C10orf67: variants seen among roughly 807,000 people sequenced by gnomAD.
The protein encoded by C10orf67 is chromosome 10 open reading frame 67.
A neutral mutation model predicts 35.6 loss-of-function variants in C10orf67; 60 were observed. The observed-to-expected ratio is 1.68, with a 90% CI of 1.37 to 2.09. The LOEUF (loss-of-function observed/expected upper bound fraction) is 2.09, where lower values mean the gene tolerates loss of function less well. Among genes scored for constraint, C10orf67 ranks in the 30% most tolerant of loss-of-function variants. The probability of loss-of-function intolerance (pLI) is 0.00; values close to 1 mark genes in which losing one functional copy is unlikely to be tolerated. For missense variants in C10orf67, 474 were observed against 330.2 expected (o/e 1.44, Z -3.38); for synonymous variants, 167 against 115.8 (o/e 1.44, Z -2.84).
chr10:23,259,018 C>G (rs898416848), intron 10 of C10orf67, among the ~76,000 whole-genome samples: 1 of 152,180 alleles, frequency 6.6e-6, no homozygotes, highest in Non-Finnish European at 1.5e-5. Context: ...ACACTTATTT[C>G]TACCTTCATG....
intron 5 of C10orf67, among the ~76,000 whole-genome samples, chr10:23,295,854 G>C (rs775121711): frequency 3.3e-5 from 5 of 152,110 alleles, no homozygotes; most frequent in Non-Finnish European, 7.3e-5. Flanking sequence ...AATTTTATTA[G>C]ATCTATGCTA....
chr10:23,289,222 G>A (rs1843640151), intron 7 of C10orf67, among the ~76,000 whole-genome samples: 1 of 152,092 alleles, frequency 6.6e-6, no homozygotes, highest in Admixed American at 6.6e-5. Context: ...GAAGTGCAGT[G>A]GTGCAATTCT....
At chr10:23,226,975 G>T (rs1285281740) in intron 13 of C10orf67, among the ~76,000 whole-genome samples, 1 of 152,100 alleles carries the variant, frequency 6.6e-6, no homozygotes, top group Non-Finnish European at 1.5e-5. Flanking sequence ...AAAAGTCCAG[G>T]ACCAGACGGA....
Position 23,327,831 on chromosome 10 carries a change from GA to G in C10orf67, c.327+5230del, listed in dbSNP as rs546340938. On this transcript the variant is annotated intron_variant, in intron 2 of 15. Transcript: ENST00000636213. ...CAGGGCAAGACTCCATCTCGGGGGA[GA>G]AAAAAAAAAAATTCCTGCATCTATG... is the stretch of plus-strand genomic sequence containing the variant. 2.1e-3 allele frequency among the ~76,000 whole-genome samples: 301 copies of G among 142,624 alleles called. 1 individual carries two copies. The highest frequency in any genetic ancestry group is 5.6e-3 in the African/African-American group (219 of 39,150). 93.6% of individuals were successfully genotyped at this position (142,624 alleles called of 152,430 possible). A position where few individuals can be genotyped will look rare whatever the true frequency, so the allele number is the denominator to read the frequency against.
intron 15 of C10orf67, among the ~76,000 whole-genome samples, chr10:23,210,464 A>C (rs1841278225): frequency 6.6e-6 from 1 of 152,068 alleles, no homozygotes; most frequent in African/African-American, 2.4e-5. Context: ...CTGTCACCCA[A>C]GCTGGAGTGC....
chr10:23,326,203 G>A (rs1845187441), intron 2 of C10orf67, among the ~76,000 whole-genome samples: 3 of 152,002 alleles, frequency 2.0e-5, no homozygotes, highest in Non-Finnish European at 4.4e-5. Flanking sequence ...TATCCAAGCA[G>A]GATAAATGCA....
At chr10:23,309,079 C>T (rs566428392) in intron 4 of C10orf67, among the ~76,000 whole-genome samples, 34 of 152,174 alleles carry the variant, frequency 2.2e-4, no homozygotes, top group Admixed American at 8.5e-4. Flanking sequence ...AAGATACCTG[C>T]GCTTATATGT....
chr10:23,308,339 A>C (rs1844365974), intron 4 of C10orf67, among the ~76,000 whole-genome samples: 1 of 152,118 alleles, frequency 6.6e-6, no homozygotes, highest in Non-Finnish European at 1.5e-5. Flanking sequence ...TCCAATCTTC[A>C]TCCAGTAGCC....
In C10orf67 at chr10:23,281,790, T is replaced by A. The variant is rs75063874; in HGVS notation, c.975+223A>T. ...TGGTTTTAAATGGTAATACTATTTT[T>A]TACACAAGACTCTAGTAAGCATATT... On this transcript the variant is annotated intron_variant, in intron 8 of 15. Coordinates refer to ENST00000636213, the MANE Select transcript of C10orf67 (RefSeq NM_001371909.1). Among the ~76,000 whole-genome samples the A allele has an allele frequency of 4.8e-3, 729 of 152,340 alleles. 6 individuals are homozygous for A. Among genetic ancestry groups the A allele is most frequent in the Non-Finnish European group, 5.4e-3 (370 of 68,038 alleles).
intron 15 of C10orf67, among the ~76,000 whole-genome samples, chr10:23,222,893 T>C (rs1841624218): frequency 6.6e-6 from 1 of 152,116 alleles, no homozygotes; most frequent in Admixed American, 6.5e-5. Flanking sequence ...CTAGAGCTCC[T>C]GGACTCAAGC....
chr10:23,272,494 T>C (rs965492562), intron 8 of C10orf67, among the ~76,000 whole-genome samples: 2 of 152,242 alleles, frequency 1.3e-5, no homozygotes, highest in African/African-American at 4.8e-5. Context: ...AATCAATTCA[T>C]TATATATGAT....
At position 23,333,134 on chromosome 10, in the gene C10orf67, A is replaced by G. The variant is rs2132394318; in HGVS notation, c.255T>C (p.His85=). Reference sequence around the variant, plus strand: ...TTTCACTGGAATCAGTTTGAGTGGCATGGTCTGTGCTGAAAAAGCCAATCT... The same window carrying G: ...TTTCACTGGAATCAGTTTGAGTGGCGTGGTCTGTGCTGAAAAAGCCAATCT... The part of the protein sequence containing the change: ...DLKIGFFSTD[H]ATQTDSSEIL... The change falls in exon 2 of 16, where the codon CAT becomes CAC. Residue 85 remains histidine (H), a synonymous_variant. Transcript: ENST00000636213. 1 of 1,610,082 alleles carries G rather than the reference A, an allele frequency of 6.2e-7. No homozygotes were observed. Among genetic ancestry groups the G allele is most frequent in the South Asian group, 1.1e-5 (1 of 90,866 alleles).
In C10orf67 at chr10:23,265,620, G is replaced by A. The variant is rs556170886; in HGVS notation, c.1200+642C>T. Among the ~76,000 whole-genome samples, 3 of 152,340 alleles carry A rather than the reference G, an allele frequency of 2.0e-5. No individual in the cohort carries two copies. The East Asian group carries it at 5.8e-4, about 29-fold the overall frequency. ...TTATAGCTAAGAGCAGAAGGCTGTAGAGATACAGGCTCATAATGATGGGAG... is the reference window on the plus strand; with the variant it reads ...TTATAGCTAAGAGCAGAAGGCTGTAAAGATACAGGCTCATAATGATGGGAG... On this transcript the variant is annotated intron_variant, in intron 10 of 15. Transcript: ENST00000636213.
intron 4 of C10orf67, among the ~76,000 whole-genome samples, chr10:23,306,097 G>A (rs1023943209): frequency 1.3e-5 from 2 of 152,076 alleles, no homozygotes; most frequent in African/African-American, 2.4e-5. Flanking sequence ...AGGATATCTT[G>A]CTATTTGGGA....
At chr10:23,344,514 G>A in intron 1 of C10orf67, 55 bp downstream of exon 1, 1 of 1,493,996 alleles carries the variant, frequency 6.7e-7, no homozygotes. Flanking sequence ...GCCTCCCGCC[G>A]TGCCCCTGGA....
At chr10:23,252,318 C>T (rs530298079) in intron 10 of C10orf67, among the ~76,000 whole-genome samples, 57 of 151,984 alleles carry the variant, frequency 3.8e-4, no homozygotes, top group Non-Finnish European at 6.9e-4. Flanking sequence ...TCAGACTGTT[C>T]GTTTTTCATA....
At chr10:23,212,832 A>T (rs1304220433) in intron 15 of C10orf67, among the ~76,000 whole-genome samples, 6 of 151,192 alleles carry the variant, frequency 4.0e-5, no homozygotes, top group Admixed American at 2.0e-4. Flanking sequence ...AGACGTAAGC[A>T]TGCAAACCTA....
intron 10 of C10orf67, among the ~76,000 whole-genome samples, chr10:23,260,832 A>C (rs1240208161): frequency 6.6e-6 from 1 of 152,206 alleles, no homozygotes; most frequent in Non-Finnish European, 1.5e-5. Flanking sequence ...TTGCTCTCCT[A>C]ACTTTTCCAG....
intron 15 of C10orf67, among the ~76,000 whole-genome samples, chr10:23,213,372 T>C (rs1305053380): frequency 3.3e-5 from 5 of 152,200 alleles, no homozygotes; most frequent in Non-Finnish European, 7.3e-5. Context: ...AATTTTATCA[T>C]GAATATTGAT....
Sources: allele counts gnomAD v4.1 joint callset (sites outside exome capture counted in the v4.1 genomes callset), GRCh38; gene constraint gnomAD v4.1.1; transcripts MANE v1.5; gene names NCBI Gene and HGNC (gene_info 2026-07-23, HGNC 2026-07-21).